Variants in FSTL5 observed in about 807,000 individuals in gnomAD.
The protein encoded by FSTL5 is follistatin like 5.
FSTL5 carries 62 observed loss-of-function variants against 89.1 expected under a neutral mutation model. The observed-to-expected ratio is 0.70, with a 90% confidence interval of 0.57 to 0.86. FSTL5 has a LOEUF of 0.86. FSTL5 is among the 40% of genes least tolerant of loss of function. FSTL5 has a pLI of 0.00. For synonymous variants in FSTL5, 383 were observed against 346.2 expected, an observed-to-expected ratio of 1.11 and a Z score of -1.18; for missense variants, 1,057 against 1,001.6, an observed-to-expected ratio of 1.06 and a Z score of -0.75.
At chr4:161,973,411 T>C (rs359479) in intron 3 of FSTL5, among the ~76,000 whole-genome samples, 36,029 of 152,042 alleles carry the variant, frequency 0.24, 4,959 homozygotes, top group African/African-American at 0.38. Flanking sequence ...TTAAGGGTAG[T>C]TATTATATGG....
intron 1 of FSTL5, among the ~76,000 whole-genome samples, chr4:162,142,485 T>C (rs1428154657): frequency 2.6e-5 from 4 of 152,148 alleles, no homozygotes; most frequent in African/African-American, 9.7e-5. Flanking sequence ...CAATGAATTT[T>C]GGCATAAAAT....
chr4:161,882,312 A>G (rs1732659293), intron 4 of FSTL5, among the ~76,000 whole-genome samples: 1 of 152,078 alleles, frequency 6.6e-6, no homozygotes, highest in Non-Finnish European at 1.5e-5. Flanking sequence ...TCTTTAATTC[A>G]GGATTTTCTC....
intron 4 of FSTL5, among the ~76,000 whole-genome samples, chr4:161,848,724 G>A (rs939085525): frequency 1.3e-5 from 2 of 152,042 alleles, no homozygotes; most frequent in Admixed American, 1.3e-4. Flanking sequence ...CGTCATTTGG[G>A]GAGTCAACCT....
chr4:162,110,827 G>C lies in FSTL5; in HGVS notation c.126+444C>G, dbSNP rs147250229. 3.7e-3 allele frequency among the ~76,000 whole-genome samples: 560 copies of C among 151,854 alleles called. 8 individuals are homozygous for C. Among genetic ancestry groups the C allele is most frequent in the African/African-American group, 0.013 (541 of 41,524 alleles). Reference sequence around the variant, plus strand: ...AAATTTCTAAAAATTTCTATGGAAAGAAATCCTTTGCTAACCTATATATCT... The same window carrying C: ...AAATTTCTAAAAATTTCTATGGAAACAAATCCTTTGCTAACCTATATATCT... On this transcript the variant is annotated intron_variant, in intron 2 of 15. Transcript: ENST00000306100.
intron 7 of FSTL5, among the ~76,000 whole-genome samples, chr4:161,597,656 A>C (rs1252644013): frequency 1.4e-5 from 2 of 144,802 alleles, no homozygotes; most frequent in Non-Finnish European, 3.1e-5. Flanking sequence ...AAAAATAAAT[A>C]AATACAAAAA....
rs192481613 is a variant in FSTL5 at position 161,923,055 on chromosome 4, A to C, written c.161-2403T>G. 3.3e-5 allele frequency among the ~76,000 whole-genome samples: 5 copies of C among 152,098 alleles called. No homozygotes were observed. The East Asian group carries it at 9.7e-4, about 29-fold the overall frequency. ...TATAACAAATAACCAGGTTTCAGCC[A>C]ATCACAGGAAATCAATTTATCAGAT... On this transcript the variant is annotated intron_variant, in intron 3 of 15. Transcript: ENST00000306100.
At chr4:161,809,590 G>C (rs1339686814) in intron 4 of FSTL5, among the ~76,000 whole-genome samples, 2 of 152,198 alleles carry the variant, frequency 1.3e-5, no homozygotes, top group African/African-American at 4.8e-5. Flanking sequence ...GCAATCAATG[G>C]AAGTGGGTCA....
At chr4:162,120,986 T>G (rs901862961) in intron 1 of FSTL5, among the ~76,000 whole-genome samples, 17 of 151,980 alleles carry the variant, frequency 1.1e-4, no homozygotes, top group African/African-American at 3.4e-4. Flanking sequence ...TACATTTGGT[T>G]TCTCACAATG....
At chr4:161,904,786 C>T (rs1389921310) in intron 4 of FSTL5, among the ~76,000 whole-genome samples, 1 of 151,732 alleles carries the variant, frequency 6.6e-6, no homozygotes, top group Non-Finnish European at 1.5e-5. Context: ...TCATTGATTC[C>T]TCAGCCAATC....
chr4:161,610,568 AAAAGAC>A (rs1375654196), intron 7 of FSTL5, among the ~76,000 whole-genome samples: 1 of 152,166 alleles, frequency 6.6e-6, no homozygotes, highest in Non-Finnish European at 1.5e-5. Context: ...AAGATCTAAT[AAAAGAC>A]TGAGCTGAAC....
intron 1 of FSTL5, among the ~76,000 whole-genome samples, chr4:162,132,098 C>T (rs1401891898): frequency 3.3e-5 from 5 of 152,176 alleles, no homozygotes; most frequent in Non-Finnish European, 7.4e-5. Context: ...AACTTCTATA[C>T]CAAAGTCTAG....
intron 3 of FSTL5, among the ~76,000 whole-genome samples, chr4:161,971,202 A>G (rs1477287314): frequency 6.6e-6 from 1 of 152,112 alleles, no homozygotes; most frequent in Non-Finnish European, 1.5e-5. Flanking sequence ...CTCAAATTAA[A>G]CTTTTTATAG....
At chr4:161,740,421 A>G (rs1030640041) in intron 6 of FSTL5, among the ~76,000 whole-genome samples, 1 of 151,998 alleles carries the variant, frequency 6.6e-6, no homozygotes, top group Non-Finnish European at 1.5e-5. Flanking sequence ...TGAGTAGTGT[A>G]TTTTTATGAG....
intron 13 of FSTL5, among the ~76,000 whole-genome samples, chr4:161,463,369 A>G (rs1733644285): frequency 6.6e-6 from 1 of 152,196 alleles, no homozygotes. Context: ...ATTTGGAAAA[A>G]TTGTAATTTT....
chr4:161,502,707 G>A (rs1273769469), intron 11 of FSTL5, among the ~76,000 whole-genome samples: 4 of 151,614 alleles, frequency 2.6e-5, no homozygotes, highest in Non-Finnish European at 5.9e-5. Flanking sequence ...TTCCTCAAAA[G>A]TTTTATTTAG....
chr4:161,949,731 C>G (rs986835610), intron 3 of FSTL5, among the ~76,000 whole-genome samples: 7 of 150,080 alleles, frequency 4.7e-5, no homozygotes, highest in African/African-American at 1.7e-4. Flanking sequence ...ATTCTTTTCT[C>G]TCTTGTGTTC....
chr4:161,767,435 A>G (rs541129534), intron 5 of FSTL5, among the ~76,000 whole-genome samples: 1 of 152,292 alleles, frequency 6.6e-6, no homozygotes, highest in African/African-American at 2.4e-5. Flanking sequence ...TTATTCTCTG[A>G]GACGTACATT....
intron 4 of FSTL5, among the ~76,000 whole-genome samples, chr4:161,795,106 G>T (rs2126823929): frequency 6.6e-6 from 1 of 151,954 alleles, no homozygotes; most frequent in Non-Finnish European, 1.5e-5. Context: ...AGTTTTAAAA[G>T]AGAAGAATAC....
At chr4:161,591,755 T>A (rs143173518) in intron 7 of FSTL5, among the ~76,000 whole-genome samples, 1 of 152,340 alleles carries the variant, frequency 6.6e-6, no homozygotes, top group Non-Finnish European at 1.5e-5. Context: ...GTTATCTGTA[T>A]GCCAGACACT....
Sources: gnomAD v4.1 joint callset for allele counts (sites outside exome capture counted in the v4.1 genomes callset) on GRCh38, gnomAD v4.1.1 for gene constraint, MANE v1.5 for transcripts, NCBI Gene and HGNC (gene_info 2026-07-23, HGNC 2026-07-21) for gene names.